Variants in PKHD1 observed in about 807,000 individuals in gnomAD.
PKHD1 encodes fibrocystin.
A neutral mutation model predicts 412.0 loss-of-function variants in PKHD1; 291 were observed. The ratio of observed to expected loss-of-function variants is 0.71; its 90% CI spans 0.64 to 0.78. The LOEUF (loss-of-function observed/expected upper bound fraction) is 0.78, where lower values mean the gene tolerates loss of function less well. Among genes scored for constraint, PKHD1 ranks in the 30% least tolerant of loss-of-function variants. The probability of loss-of-function intolerance (pLI) is 0.00; values close to 1 mark genes in which losing one functional copy is unlikely to be tolerated. For synonymous variants in PKHD1, 1,777 were observed against 1,821.5 expected (o/e 0.98, Z 0.62); for missense variants, 4,825 against 4,950.7 (o/e 0.97, Z 0.76).
intron 48 of PKHD1, among the ~76,000 whole-genome samples, chr6:51,862,677 A>G (rs373454371): frequency 1.2e-4 from 18 of 152,326 alleles, no homozygotes; most frequent in African/African-American, 4.1e-4. Flanking sequence ...GAACGCAAGC[A>G]CTACAGGAGA....
chr6:51,990,598 T>G (rs1454060266), intron 35 of PKHD1, among the ~76,000 whole-genome samples: 1 of 152,242 alleles, frequency 6.6e-6, no homozygotes, highest in Non-Finnish European at 1.5e-5. Flanking sequence ...CTTTTGTTCC[T>G]TAGTAAATAG....
intron 60 of PKHD1, among the ~76,000 whole-genome samples, chr6:51,715,943 T>C (rs1781202965): frequency 6.6e-6 from 1 of 152,172 alleles, no homozygotes; most frequent in Non-Finnish European, 1.5e-5. Context: ...AGTCCAGAAG[T>C]CCAAACTGTC....
chr6:51,961,826 A>G (rs1161702050), intron 35 of PKHD1, among the ~76,000 whole-genome samples: 1 of 152,132 alleles, frequency 6.6e-6, no homozygotes, highest in East Asian at 1.9e-4. Context: ...AGAGATGGAA[A>G]GGACTCTAGC....
Position 52,076,316 on chromosome 6 carries a change from T to A in PKHD1, c.408A>T (p.Thr136=), listed in dbSNP as rs1465269667. ...GTGGATAAACTTGGTGAACGATGGG[T>A]GTCTGCGCCTTGGAAAACTGTTTAG... ...SCTFKFSKAQ[T]PIVHQVYPPS... The change falls in exon 6 of 67, where the codon ACA becomes ACT. Residue 136 remains threonine (T), a synonymous_variant. Transcript: ENST00000371117. The A allele has an allele frequency of 6.2e-7, 1 of 1,612,708 alleles. No individual in the cohort carries two copies. Among genetic ancestry groups the A allele is most frequent in the Non-Finnish European group, 8.5e-7 (1 of 1,178,838 alleles).
chr6:51,965,267 T>G (rs1016359446), intron 35 of PKHD1, among the ~76,000 whole-genome samples: 4 of 152,142 alleles, frequency 2.6e-5, no homozygotes, highest in Admixed American at 2.0e-4. Flanking sequence ...ACCAAGATGC[T>G]ATGGGAGTTC....
intron 52 of PKHD1, among the ~76,000 whole-genome samples, chr6:51,829,013 T>G (rs2151499235): frequency 6.6e-6 from 1 of 152,258 alleles, no homozygotes; most frequent in Non-Finnish European, 1.5e-5. Flanking sequence ...CACACCTGTT[T>G]TTCACTCACC....
intron 37 of PKHD1, among the ~76,000 whole-genome samples, chr6:51,916,203 A>G (rs1428211873): frequency 6.6e-6 from 1 of 152,172 alleles, no homozygotes; most frequent in Non-Finnish European, 1.5e-5. Context: ...TAGTGGTTTA[A>G]ATGACCTATT....
intron 6 of PKHD1, among the ~76,000 whole-genome samples, chr6:52,075,949 GT>G (rs1169409034): frequency 1.3e-5 from 2 of 152,120 alleles, no homozygotes; most frequent in Non-Finnish European, 2.9e-5. Context: ...TTTAATAAAG[GT>G]TTATTATTAT....
chr6:51,871,209 T>C (rs1438023581), intron 46 of PKHD1, among the ~76,000 whole-genome samples: 1 of 152,212 alleles, frequency 6.6e-6, no homozygotes, highest in Non-Finnish European at 1.5e-5. Flanking sequence ...CTTACATTTA[T>C]ATAAAAACCT....
chr6:52,046,310 T>C lies in PKHD1; in HGVS notation c.2408-122A>G, dbSNP rs1236572210. 4 of 830,732 alleles carry C rather than the reference T, an allele frequency of 4.8e-6. No homozygotes were observed. The East Asian group carries it at 7.4e-5, about 15-fold the overall frequency. 51.5% of individuals were successfully genotyped at this position (830,732 alleles called of 1,614,324 possible). On this transcript the variant is annotated intron_variant, in intron 23 of 66. Coordinates refer to ENST00000371117, the MANE Select transcript of PKHD1 (RefSeq NM_138694.4). ...CTATCAAATTTTCAGGAGACCCTTC[T>C]GTCAAAGTAGAACTTCAGTAGAATC...
chr6:51,699,569 T>C (rs1223039623), intron 60 of PKHD1, among the ~76,000 whole-genome samples: 1 of 152,190 alleles, frequency 6.6e-6, no homozygotes, highest in East Asian at 1.9e-4. Flanking sequence ...ACTTTTTATT[T>C]CTCTAAGGTA....
chr6:51,733,123 AG>A (rs1178630322), intron 60 of PKHD1, among the ~76,000 whole-genome samples: 2 of 152,180 alleles, frequency 1.3e-5, no homozygotes, highest in Non-Finnish European at 1.5e-5. Flanking sequence ...AAGAATGGGA[AG>A]TTACTGTTTA....
intron 4 of PKHD1, 136 bp downstream of exon 4, chr6:52,082,256 C>T (rs1362851879): frequency 1.2e-6 from 1 of 856,676 alleles, no homozygotes; most frequent in Non-Finnish European, 2.0e-6. Flanking sequence ...AAAGCATATT[C>T]ACATGAAACT....
At chr6:52,041,354 G>A (rs944786933) in intron 27 of PKHD1, among the ~76,000 whole-genome samples, 7 of 152,196 alleles carry the variant, frequency 4.6e-5, no homozygotes, top group Non-Finnish European at 7.3e-5. Context: ...GGTCTGGGGT[G>A]GAGCCTGAGA....
intron 50 of PKHD1, 90 bp downstream of exon 50, chr6:51,847,685 G>T: frequency 2.1e-6 from 2 of 950,200 alleles, no homozygotes; most frequent in Non-Finnish European, 1.7e-6. Flanking sequence ...CAGTTCCTCA[G>T]CACTTCACAG....
chr6:52,065,148 T>TAG, intron 12 of PKHD1, 98 bp from the exon 13 acceptor site: 1 of 68,222 alleles, frequency 1.5e-5, no homozygotes, highest in Non-Finnish European at 2.6e-5. Flanking sequence ...TATATATATA[T>TAG]ATATATATAT....
intron 8 of PKHD1, among the ~76,000 whole-genome samples, chr6:52,071,432 C>G (rs73739131): frequency 6.6e-6 from 1 of 151,774 alleles, no homozygotes; most frequent in African/African-American, 2.4e-5. Flanking sequence ...AAACAAAATG[C>G]AGACACAAGG....
At chr6:51,768,004 C>T (rs947449849) in intron 55 of PKHD1, among the ~76,000 whole-genome samples, 3 of 151,980 alleles carry the variant, frequency 2.0e-5, no homozygotes, top group Non-Finnish European at 2.9e-5. Flanking sequence ...TTAATGATCG[C>T]CATTCTAACT....
Position 51,737,986 on chromosome 6 carries a change from A to T in PKHD1, c.10156+6399T>A, listed in dbSNP as rs1393610191. On this transcript the variant is annotated intron_variant, in intron 60 of 66. Transcript: ENST00000371117. ...AAATACAAATAATCAGACAAATTAG[A>T]TATACAAACTATAAGCCCCACGTTT... Among the ~76,000 whole-genome samples the T allele has an allele frequency of 6.6e-5, 10 of 152,356 alleles. No homozygotes were observed. The East Asian group carries it at 9.6e-4, about 15-fold the overall frequency.
Sources: allele counts gnomAD v4.1 joint callset (sites outside exome capture counted in the v4.1 genomes callset), GRCh38; gene constraint gnomAD v4.1.1; transcripts MANE v1.5; gene names NCBI Gene and HGNC (gene_info 2026-07-23, HGNC 2026-07-21).